Variants in KIF16B observed in about 807,000 individuals in gnomAD.
KIF16B encodes kinesin family member 16B, also known as kinesin-like protein KIF16B.
KIF16B carries 98 observed loss-of-function variants against 156.3 expected under a neutral mutation model. That is an observed-to-expected ratio of 0.63 (90% CI 0.53 to 0.74). The LOEUF (loss-of-function observed/expected upper bound fraction) is 0.74, where lower values mean the gene tolerates loss of function less well. Among genes scored for constraint, KIF16B ranks in the 30% least tolerant of loss-of-function variants. The probability of loss-of-function intolerance (pLI) is 0.00; values close to 1 mark genes in which losing one functional copy is unlikely to be tolerated. For synonymous variants in KIF16B, 564 were observed against 583.7 expected, an observed-to-expected ratio of 0.97 and a Z score of 0.49; for missense variants, 1,421 against 1,606.5, an observed-to-expected ratio of 0.88 and a Z score of 1.97.
intron 12 of KIF16B, among the ~76,000 whole-genome samples, chr20:16,443,490 T>G (rs1392925920): frequency 6.6e-6 from 1 of 152,156 alleles, no homozygotes; most frequent in African/African-American, 2.4e-5. Flanking sequence ...TTCACACCAT[T>G]TATATCGTAA....
Position 16,472,338 on chromosome 20 carries a change from G to C in KIF16B, c.1302+21953C>G, listed in dbSNP as rs374328675. 1.6e-4 allele frequency among the ~76,000 whole-genome samples: 25 copies of C among 152,150 alleles called. No homozygotes were observed. In the East Asian group the frequency reaches 3.9e-3, roughly 23 times the overall value. ...TTTATATAGATTATCTCTTTACATA[G>C]ATTATTCCAGTGAGGTGGAAATGAT... is the stretch of plus-strand genomic sequence containing the variant. On this transcript the variant is annotated intron_variant, in intron 12 of 25. Transcript: ENST00000354981.
intron 4 of KIF16B, 26 bp from the exon 5 acceptor site, chr20:16,512,949 G>A (rs774980497): frequency 3.0e-5 from 45 of 1,502,866 alleles, no homozygotes; most frequent in African/African-American, 4.1e-5. Flanking sequence ...CAATGTCACA[G>A]CTGTCACTCA....
chr20:16,400,323 C>T (rs1297134652), intron 17 of KIF16B, among the ~76,000 whole-genome samples: 1 of 152,204 alleles, frequency 6.6e-6, no homozygotes, highest in Non-Finnish European at 1.5e-5. Flanking sequence ...TACTGCCTCA[C>T]ACACATTTTG....
chr20:16,522,588 A>G (rs1258206950), intron 3 of KIF16B, among the ~76,000 whole-genome samples: 1 of 152,194 alleles, frequency 6.6e-6, no homozygotes, highest in Non-Finnish European at 1.5e-5. Context: ...TTAACACCCC[A>G]CTGTCAATAT....
intron 17 of KIF16B, among the ~76,000 whole-genome samples, chr20:16,390,197 C>T (rs2146154769): frequency 6.6e-6 from 1 of 152,294 alleles, no homozygotes; most frequent in East Asian, 1.9e-4. Context: ...AGAAGGTACT[C>T]ACTAAAGACT....
At chr20:16,416,616 T>C (rs1018940964) in intron 15 of KIF16B, among the ~76,000 whole-genome samples, 1 of 151,718 alleles carries the variant, frequency 6.6e-6, no homozygotes, top group Non-Finnish European at 1.5e-5. Flanking sequence ...AAATAGCTAA[T>C]GCATGCCATT....
chr20:16,495,836 G>A (rs1007820486), intron 11 of KIF16B, among the ~76,000 whole-genome samples: 1 of 152,046 alleles, frequency 6.6e-6, no homozygotes, highest in African/African-American at 2.4e-5. Flanking sequence ...GACTACAGGT[G>A]CACACCACCA....
chr20:16,513,060 T>C (rs1328863221), intron 4 of KIF16B, 137 bp from the exon 5 acceptor site: 3 of 627,658 alleles, frequency 4.8e-6, no homozygotes, highest in Non-Finnish European at 5.7e-6. Flanking sequence ...CCACGCCATA[T>C]ACCCCCTCCA....
chr20:16,471,871 A>T (rs938468893), intron 12 of KIF16B, among the ~76,000 whole-genome samples: 13 of 152,248 alleles, frequency 8.5e-5, no homozygotes, highest in African/African-American at 2.9e-4. Flanking sequence ...TGTTAATCAT[A>T]TCTTCTGAAA....
At chr20:16,330,658 G>A (rs1391330384) in intron 24 of KIF16B, among the ~76,000 whole-genome samples, 1 of 152,170 alleles carries the variant, frequency 6.6e-6, no homozygotes, top group African/African-American at 2.4e-5. Context: ...AGTTTGTTAT[G>A]AGACAATGTT....
At position 16,273,354 on chromosome 20, in the gene KIF16B, T is replaced by C. The variant is rs958637957; in HGVS notation, c.3853A>G (p.Ile1285Val). 3 of 1,613,374 alleles carry C rather than the reference T, an allele frequency of 1.9e-6. No individual in the cohort carries two copies. In the African/African-American group the frequency reaches 4.0e-5, roughly 22 times the overall value. Residue 1285 changes from isoleucine (I) to valine (V), a missense_variant, in exon 26 of 26, where the codon ATC becomes GTC. By Grantham distance (29) the Ile-to-Val change is conservative. Transcript: ENST00000354981. ...MLQSATSPLH[I>V]NKVGLTLSKH... ...GAGAGAGTCAGTCCCACTTTGTTGA[T>C]GTGGAGGGGAGATGTTGCGGACTGG...
At chr20:16,377,591 T>C (rs567623016) in intron 19 of KIF16B, among the ~76,000 whole-genome samples, 13 of 151,722 alleles carry the variant, frequency 8.6e-5, no homozygotes, top group Middle Eastern at 3.4e-3. Flanking sequence ...ATCTCATCCA[T>C]CCTCTTCTTG....
At chr20:16,465,592 T>C (rs2067468554) in intron 12 of KIF16B, among the ~76,000 whole-genome samples, 1 of 152,222 alleles carries the variant, frequency 6.6e-6, no homozygotes, top group Admixed American at 6.5e-5. Flanking sequence ...AATTATCTTA[T>C]ATAATTCACC....
intron 15 of KIF16B, among the ~76,000 whole-genome samples, chr20:16,414,863 G>C (rs747944717): frequency 1.4e-4 from 22 of 152,130 alleles, no homozygotes; most frequent in Non-Finnish European, 1.8e-4. Context: ...GATGGTGCAA[G>C]AGTGATACAC....
intron 4 of KIF16B, among the ~76,000 whole-genome samples, chr20:16,514,582 G>GAAAAAAAA (rs540602451): frequency 4.2e-3 from 319 of 76,810 alleles, no homozygotes; most frequent in African/African-American, 0.014. Context: ...TAAGAAATAA[G>GAAAAAAAA]AAAAAAAAAA....
rs1276373061 is a variant in KIF16B at position 16,404,888 on chromosome 20, G to A, written c.1709C>T (p.Ser570Phe). The stretch of plus-strand genomic sequence containing the variant: ...GTCGGTCATGGACAAGCTGAAGGAG[G>A]ACAGAAGGCCACTCTAAGGGCAGAC... The part of the protein sequence containing the change: ...LREKRKSGLL[S>F]SFSLSMTDLS... Residue 570 changes from serine to phenylalanine, a missense_variant, in exon 17 of 26, where the codon TCC (serine) becomes TTC (phenylalanine). By Grantham distance (155) the Ser-to-Phe change is radical (BLOSUM62 -2). Coordinates refer to ENST00000354981, the MANE Select transcript of KIF16B (RefSeq NM_024704.5). 1.2e-6 allele frequency: 2 copies of A among 1,613,094 alleles called. No homozygotes were observed. Among genetic ancestry groups the A allele is most frequent in the Non-Finnish European group, 1.7e-6 (2 of 1,179,496 alleles).
At chr20:16,344,306 G>T (rs193273079) in intron 23 of KIF16B, among the ~76,000 whole-genome samples, 1 of 152,290 alleles carries the variant, frequency 6.6e-6, no homozygotes, top group Admixed American at 6.5e-5. Context: ...CAATATCCCA[G>T]AGAGATCACA....
chr20:16,554,536 A>G (rs1431871294), intron 1 of KIF16B, among the ~76,000 whole-genome samples: 1 of 152,122 alleles, frequency 6.6e-6, no homozygotes, highest in Non-Finnish European at 1.5e-5. Context: ...CTCACCCTCC[A>G]CTTTCCCATG....
intron 1 of KIF16B, among the ~76,000 whole-genome samples, chr20:16,543,595 A>C (rs1046628618): frequency 2.0e-5 from 3 of 152,210 alleles, no homozygotes; most frequent in Non-Finnish European, 4.4e-5. Context: ...GAAAAATTTC[A>C]TACATTACAA....
Sources: allele counts gnomAD v4.1 joint callset (sites outside exome capture counted in the v4.1 genomes callset), GRCh38; gene constraint gnomAD v4.1.1; transcripts MANE v1.5; gene names NCBI Gene and HGNC (gene_info 2026-07-23, HGNC 2026-07-21).